The following PLAC8 variants were observed in gnomAD, a reference collection of about 807,000 sequenced individuals.
PLAC8 encodes placenta-specific gene 8 protein.
In PLAC8, 6 loss-of-function variants were observed where a neutral mutation model predicts 12.6. The observed-to-expected ratio is 0.48, with a 90% CI of 0.26 to 0.94. The LOEUF (loss-of-function observed/expected upper bound fraction) is 0.94. PLAC8 is among the 40% of genes least tolerant of loss of function. PLAC8 has a pLI of 0.14. For missense variants in PLAC8, 122 were observed against 152.7 expected, an observed-to-expected ratio of 0.80 and a Z score of 1.06; for synonymous variants, 54 against 52.6, an observed-to-expected ratio of 1.03 and a Z score of -0.11.
At chr4:83,108,290 G>A (rs1444702051) in intron 1 of PLAC8, among the ~76,000 whole-genome samples, 1 of 152,124 alleles carries the variant, frequency 6.6e-6, no homozygotes, top group African/African-American at 2.4e-5. Context: ...TGGGGGTGAG[G>A]GGAAGGAATT....
At chr4:83,094,832 C>G in intron 3 of PLAC8, 41 bp from the exon 4 acceptor site, 1 of 1,263,182 alleles carries the variant, frequency 7.9e-7, no homozygotes, top group South Asian at 1.5e-5. Context: ...TAAAATTCAC[C>G]TATTTGGAAT....
intron 3 of PLAC8, among the ~76,000 whole-genome samples, chr4:83,102,699 G>C (rs1173142183): frequency 6.6e-6 from 1 of 152,172 alleles, no homozygotes; most frequent in Non-Finnish European, 1.5e-5. Flanking sequence ...AATAGCAAGA[G>C]AACTAGAATT....
At chr4:83,104,248 A>C (rs1732183603) in intron 3 of PLAC8, among the ~76,000 whole-genome samples, 1 of 152,190 alleles carries the variant, frequency 6.6e-6, no homozygotes, top group Non-Finnish European at 1.5e-5. Context: ...AAACCAAAAA[A>C]TTCATGTGAC....
At chr4:83,100,197 C>T (rs1286802907) in intron 3 of PLAC8, among the ~76,000 whole-genome samples, 11 of 149,618 alleles carry the variant, frequency 7.4e-5, no homozygotes, top group African/African-American at 1.2e-4. Context: ...AGGAGAATGG[C>T]GTGAACCCAG....
chr4:83,097,397 A>G (rs996769874), intron 3 of PLAC8, among the ~76,000 whole-genome samples: 1 of 152,212 alleles, frequency 6.6e-6, no homozygotes, highest in Admixed American at 6.5e-5. Flanking sequence ...TTTTGGAAAT[A>G]AGGACAGTTT....
chr4:83,099,378 G>A (rs542859702), intron 3 of PLAC8, among the ~76,000 whole-genome samples: 3 of 152,060 alleles, frequency 2.0e-5, no homozygotes, highest in East Asian at 3.9e-4. Flanking sequence ...TTCCAATAGC[G>A]TGTGCTCACT....
intron 1 of PLAC8, among the ~76,000 whole-genome samples, chr4:83,110,936 C>T (rs1732410976): frequency 6.6e-6 from 1 of 152,196 alleles, no homozygotes; most frequent in Non-Finnish European, 1.5e-5. Context: ...TGTCAAGTGG[C>T]TATCCCTAGG....
chr4:83,099,932 G>A (rs1317989966), intron 3 of PLAC8, among the ~76,000 whole-genome samples: 2 of 151,828 alleles, frequency 1.3e-5, no homozygotes, highest in Non-Finnish European at 2.9e-5. Context: ...CTTGAACCTG[G>A]GAGGCAGAGG....
chr4:83,113,300 T>C (rs1732466501), intron 1 of PLAC8, among the ~76,000 whole-genome samples: 1 of 152,224 alleles, frequency 6.6e-6, no homozygotes, highest in South Asian at 2.1e-4. Flanking sequence ...AAGCCCATGC[T>C]AGACCCTCTC....
chr4:83,109,390 A>C (rs1023847756), intron 1 of PLAC8, among the ~76,000 whole-genome samples: 2 of 152,172 alleles, frequency 1.3e-5, no homozygotes, highest in Non-Finnish European at 2.9e-5. Flanking sequence ...ACACTAAAAG[A>C]AGGAGGCGGA....
intron 3 of PLAC8, among the ~76,000 whole-genome samples, chr4:83,100,255 T>A (rs1300310289): frequency 7.1e-6 from 1 of 141,326 alleles, no homozygotes; most frequent in African/African-American, 2.8e-5. Flanking sequence ...CACTCCAGCC[T>A]GGGTGACAGA....
intron 3 of PLAC8, among the ~76,000 whole-genome samples, chr4:83,102,381 A>T (rs1316222301): frequency 6.6e-6 from 1 of 152,088 alleles, no homozygotes; most frequent in Non-Finnish European, 1.5e-5. Context: ...AAAAAATAAA[A>T]ATAAAAAATT....
rs573436968 is a variant in PLAC8, at chr4:83,098,250, G to C, written c.244-3459C>G. Among the ~76,000 whole-genome samples, 18 of 152,274 alleles carry C rather than the reference G, an allele frequency of 1.2e-4. No individual in the cohort carries two copies. The East Asian group carries it at 3.5e-3, about 29-fold the overall frequency. On this transcript the variant is annotated intron_variant, in intron 3 of 4. Transcript: ENST00000311507. ...AAAGGGTTTGTAAAGGGTTGATCTTGTAAAAAATTCTGTGGGTATAAACAA... is the reference window on the plus strand; with the variant it reads ...AAAGGGTTTGTAAAGGGTTGATCTTCTAAAAAATTCTGTGGGTATAAACAA...
chr4:83,108,829 C>A (rs1296995887), intron 1 of PLAC8, among the ~76,000 whole-genome samples: 2 of 152,114 alleles, frequency 1.3e-5, no homozygotes, highest in Non-Finnish European at 2.9e-5. Context: ...GTGTATATCC[C>A]CCCTTCTTGT....
At chr4:83,106,858 T>C (rs1327878681) in intron 2 of PLAC8, among the ~76,000 whole-genome samples, 1 of 152,108 alleles carries the variant, frequency 6.6e-6, no homozygotes, top group Non-Finnish European at 1.5e-5. Flanking sequence ...TTCCTCCAAG[T>C]TCATTTAGAG....
intron 3 of PLAC8, among the ~76,000 whole-genome samples, chr4:83,100,350 C>T (rs1578738694): frequency 6.6e-6 from 1 of 151,986 alleles, no homozygotes; most frequent in South Asian, 2.1e-4. Flanking sequence ...GAAGTGCTGG[C>T]TCCCCCTTTG....
At chr4:83,110,829 TTACAGGAAATGC>T (rs1411960362) in intron 1 of PLAC8, among the ~76,000 whole-genome samples, 1 of 152,196 alleles carries the variant, frequency 6.6e-6, no homozygotes, top group Non-Finnish European at 1.5e-5. Context: ...GGAAGAAGCA[TTACAGGAAATGC>T]TAGAGAATAT....
chr4:83,095,247 T>C (rs1007559305), intron 3 of PLAC8, among the ~76,000 whole-genome samples: 3 of 152,144 alleles, frequency 2.0e-5, no homozygotes, highest in African/African-American at 7.2e-5. Context: ...AGCTAAGCAC[T>C]AGGAATAATG....
intron 3 of PLAC8, among the ~76,000 whole-genome samples, chr4:83,098,910 A>T (rs980138748): frequency 5.3e-5 from 8 of 152,132 alleles, no homozygotes; most frequent in Admixed American, 3.3e-4. Flanking sequence ...TAGGTCCTCT[A>T]AAGTCTCAAA....
Sources: allele counts gnomAD v4.1 joint callset (sites outside exome capture counted in the v4.1 genomes callset), GRCh38; gene constraint gnomAD v4.1.1; transcripts MANE v1.5; gene names NCBI Gene and HGNC (gene_info 2026-07-23, HGNC 2026-07-21).